Variants in CFAP299 observed in about 807,000 individuals in gnomAD.
The protein encoded by CFAP299 is cilia- and flagella-associated protein 299.
A neutral mutation model predicts 27.0 loss-of-function variants in CFAP299; 21 were observed. The observed-to-expected ratio is 0.78, with a 90% CI of 0.55 to 1.12. CFAP299 has a LOEUF of 1.12. CFAP299 is among the 50% of genes most tolerant of loss of function. The pLI is 0.00. For missense variants in CFAP299, 310 were observed against 276.6 expected, an observed-to-expected ratio of 1.12 and a Z score of -0.86; for synonymous variants, 104 against 98.1, an observed-to-expected ratio of 1.06 and a Z score of -0.36.
chr4:80,889,873 AC>A (rs1734171186), intron 4 of CFAP299, among the ~76,000 whole-genome samples: 1 of 152,108 alleles, frequency 6.6e-6, no homozygotes, highest in Non-Finnish European at 1.5e-5. Flanking sequence ...AGGACAAAAA[AC>A]ATATAGTCAT....
chr4:80,550,173 G>A (rs1179577546), intron 2 of CFAP299, among the ~76,000 whole-genome samples: 1 of 151,968 alleles, frequency 6.6e-6, no homozygotes, highest in African/African-American at 2.4e-5. Flanking sequence ...CCTCTAATCT[G>A]TCCATTACTA....
At chr4:80,512,244 G>A (rs1029957215) in intron 2 of CFAP299, among the ~76,000 whole-genome samples, 5 of 149,802 alleles carry the variant, frequency 3.3e-5, no homozygotes, top group Admixed American at 3.3e-4. Context: ...GTGTGTGTGT[G>A]CATGTGTGTG....
chr4:80,341,479 G>A (rs1217889078), intron 1 of CFAP299, among the ~76,000 whole-genome samples: 1 of 152,204 alleles, frequency 6.6e-6, no homozygotes, highest in Non-Finnish European at 1.5e-5. Context: ...CCCGGAGGAA[G>A]GAGAAGGCTG....
intron 3 of CFAP299, among the ~76,000 whole-genome samples, chr4:80,688,784 G>A (rs1720423525): frequency 6.6e-6 from 1 of 151,900 alleles, no homozygotes; most frequent in Admixed American, 6.6e-5. Context: ...CAAAGAAGTT[G>A]AAAACTTTGA....
chr4:80,787,472 G>T (rs1023066963), intron 3 of CFAP299, among the ~76,000 whole-genome samples: 1 of 151,716 alleles, frequency 6.6e-6, no homozygotes, highest in African/African-American at 2.4e-5. Flanking sequence ...TTTCTAAGAA[G>T]CAACTGAGTC....
At chr4:80,332,470 T>C (rs1409977788), upstream of CFAP299, among the ~76,000 whole-genome samples, 6 of 151,796 alleles carry the variant, frequency 4.0e-5, no homozygotes, top group African/African-American at 9.7e-5. Flanking sequence ...CAGAAGGAGA[T>C]TGAACCTGTG....
intron 2 of CFAP299, among the ~76,000 whole-genome samples, chr4:80,422,191 C>A (rs550560451): frequency 4.6e-5 from 7 of 152,270 alleles, no homozygotes; most frequent in African/African-American, 1.7e-4. Flanking sequence ...TCTCTACTTA[C>A]AACTATACAC....
At chr4:80,871,668 A>G (rs1486332426) in intron 4 of CFAP299, 36 of 972,924 alleles carry the variant, frequency 3.7e-5, no homozygotes, top group Non-Finnish European at 4.3e-5. Flanking sequence ...AAAACACTGA[A>G]TTCTATTATC....
rs548370750 is a variant in CFAP299 at position 80,721,750 on chromosome 4, G to A, written c.333+138567G>A. On this transcript the variant is annotated intron_variant, in intron 3 of 5. Transcript: ENST00000358105. ...AATACATTTTATAGAGAGAAACAAG[G>A]TTAAGGCAAATTTTGGTAGGAAATT... Among the ~76,000 whole-genome samples the A allele has an allele frequency of 1.6e-3, 239 of 152,176 alleles. 2 individuals carry two copies. The highest frequency in any genetic ancestry group is 7.6e-4 in the Non-Finnish European group (52 of 68,012).
rs577377592 is a variant in CFAP299, at chr4:80,758,202, TG to T, written c.334-111787del. Among the ~76,000 whole-genome samples the T allele has an allele frequency of 1.5e-4, 23 of 152,126 alleles. No homozygotes were observed. The South Asian group carries it at 4.8e-3, about 32-fold the overall frequency. ...ACAAATGAATCGAAGATGGTAAATG[TG>T]GGGAATTTTATTGCTGAGGAAAGTG... On this transcript the variant is annotated intron_variant, in intron 3 of 5. Coordinates refer to ENST00000358105, the MANE Select transcript of CFAP299 (RefSeq NM_152770.3).
chr4:80,857,472 C>G (rs964564871), intron 3 of CFAP299, among the ~76,000 whole-genome samples: 5 of 152,256 alleles, frequency 3.3e-5, no homozygotes, highest in South Asian at 2.1e-4. Flanking sequence ...GAGGGCATCC[C>G]TGTCTTGTGC....
At chr4:80,335,994 C>G (rs536646004) in intron 1 of CFAP299, 115 bp downstream of exon 1, 2 of 689,436 alleles carry the variant, frequency 2.9e-6, no homozygotes, top group East Asian at 2.6e-5. Flanking sequence ...TGTCAGGCGC[C>G]GCGGTTTCGG....
intron 3 of CFAP299, among the ~76,000 whole-genome samples, chr4:80,692,754 C>T (rs1029068315): frequency 6.6e-6 from 1 of 152,100 alleles, no homozygotes; most frequent in African/African-American, 2.4e-5. Flanking sequence ...TCAGAGTGAA[C>T]AGGCAACCAA....
At chr4:80,572,630 G>T (rs1735649458) in intron 2 of CFAP299, among the ~76,000 whole-genome samples, 2 of 145,622 alleles carry the variant, frequency 1.4e-5, no homozygotes, top group African/African-American at 5.1e-5. Flanking sequence ...TGATTATCCT[G>T]CTTCAGCCTC....
intron 3 of CFAP299, among the ~76,000 whole-genome samples, chr4:80,679,978 C>A (rs1719735112): frequency 6.6e-6 from 1 of 151,994 alleles, no homozygotes; most frequent in Non-Finnish European, 1.5e-5. Flanking sequence ...CCCCACATGT[C>A]ATTCCTCAAC....
intron 2 of CFAP299, among the ~76,000 whole-genome samples, chr4:80,395,932 AAAG>A (rs1233068707): frequency 6.6e-6 from 1 of 152,130 alleles, no homozygotes; most frequent in African/African-American, 2.4e-5. Flanking sequence ...AAACCTAAAA[AAAG>A]GTTTATTTTC....
intron 2 of CFAP299, among the ~76,000 whole-genome samples, chr4:80,377,104 T>A (rs1025801940): frequency 5.3e-5 from 8 of 152,282 alleles, no homozygotes; most frequent in Non-Finnish European, 8.8e-5. Flanking sequence ...GAAGAGTAGA[T>A]TTAAATTTTG....
intron 2 of CFAP299, among the ~76,000 whole-genome samples, chr4:80,467,588 C>T (rs1444251129): frequency 6.6e-6 from 1 of 152,150 alleles, no homozygotes; most frequent in Non-Finnish European, 1.5e-5. Flanking sequence ...CTGGGTCCCT[C>T]TTGTTCAATA....
At chr4:80,796,406 G>C (rs1388185760) in intron 3 of CFAP299, among the ~76,000 whole-genome samples, 1 of 152,150 alleles carries the variant, frequency 6.6e-6, no homozygotes, top group South Asian at 2.1e-4. Context: ...TCAATGTAAT[G>C]GACCAGTGTG....
Sources: gnomAD v4.1 joint callset for allele counts (sites outside exome capture counted in the v4.1 genomes callset) on GRCh38, gnomAD v4.1.1 for gene constraint, MANE v1.5 for transcripts, NCBI Gene and HGNC (gene_info 2026-07-23, HGNC 2026-07-21) for gene names.